The following CDC27 variants were observed in gnomAD, a reference collection of about 807,000 sequenced individuals.
CDC27 encodes cell division cycle 27, also known as cell division cycle protein 27 homolog.
Under a neutral mutation model 109.7 loss-of-function variants are expected in CDC27, and 27 were observed. That is an observed-to-expected ratio of 0.25 (90% CI 0.18 to 0.34). The LOEUF (loss-of-function observed/expected upper bound fraction) is 0.34, where lower values mean the gene tolerates loss of function less well. Among genes scored for constraint, CDC27 ranks in the 10% least tolerant of loss-of-function variants. CDC27 has a pLI of 1.00. For synonymous variants in CDC27, 266 were observed against 333.9 expected, an observed-to-expected ratio of 0.80 and a Z score of 2.22; for missense variants, 579 against 960.2, an observed-to-expected ratio of 0.60 and a Z score of 5.25.
intron 8 of CDC27, among the ~76,000 whole-genome samples, chr17:47,153,813 T>G: frequency 6.6e-6 from 1 of 152,206 alleles, no homozygotes; most frequent in Non-Finnish European, 1.5e-5. Context: ...AGCAGGGCAG[T>G]GACTCATGTT....
At chr17:47,174,567 A>C (rs2063921951) in intron 2 of CDC27, among the ~76,000 whole-genome samples, 1 of 152,166 alleles carries the variant, frequency 6.6e-6, no homozygotes, top group Non-Finnish European at 1.5e-5. Context: ...CCATTAAGTC[A>C]CTCTTAAAGT....
rs79580708 is a variant in CDC27 at position 47,189,217 on chromosome 17, T to G, written c.-45A>C. ...TTTCTGCAGTGCCTCAGGCCCCCCC[T>G]GTAGCGGCTCCGGCCCGGCCAGCCC... On this transcript the variant is annotated 5_prime_UTR_variant, in exon 1 of 19. Transcript: ENST00000066544. The G allele has an allele frequency of 8.4e-6, 13 of 1,545,160 alleles. No individual in the cohort carries two copies. Among genetic ancestry groups the G allele is most frequent in the South Asian group, 2.2e-5 (2 of 89,696 alleles).
intron 10 of CDC27, among the ~76,000 whole-genome samples, 193 bp from the exon 11 acceptor site, chr17:47,142,629 T>A (rs2062830424): frequency 6.6e-6 from 1 of 152,206 alleles, no homozygotes; most frequent in African/African-American, 2.4e-5. Flanking sequence ...GAACATAAAT[T>A]ACATTAACTA....
chr17:47,137,211 G>A lies in CDC27; in HGVS notation c.1854C>T (p.Asp618=). 3 of 1,611,510 alleles carry A rather than the reference G, an allele frequency of 1.9e-6. No individual in the cohort carries two copies. The highest frequency in any genetic ancestry group is 1.7e-6 in the Non-Finnish European group (2 of 1,179,184). The change falls in exon 14 of 19, where the codon GAC becomes GAT. Residue 618 remains aspartate (D), a synonymous_variant. Transcript: ENST00000066544. The part of the protein sequence containing the change: ...GHEFVLTEEL[D]KALACFRNAI... ...CATTTCGAAAACAAGCTAATGCTTT[G>A]TCCAATTCTTCAGTTAAGACAAACT...
chr17:47,156,106 C>A (rs2063295709), intron 7 of CDC27, among the ~76,000 whole-genome samples: 1 of 152,144 alleles, frequency 6.6e-6, no homozygotes, highest in African/African-American at 2.4e-5. Context: ...GTGTTTACTA[C>A]CTAATTAAGG....
chr17:47,136,757 T>C (rs2062610914), intron 14 of CDC27, among the ~76,000 whole-genome samples: 1 of 152,244 alleles, frequency 6.6e-6, no homozygotes, highest in East Asian at 1.9e-4. Flanking sequence ...TTTTTCAATT[T>C]TTTTTCCTAT....
chr17:47,151,775 A>C (rs1485142908), intron 9 of CDC27, 31 bp downstream of exon 9: 1 of 1,490,892 alleles, frequency 6.7e-7, no homozygotes, highest in Admixed American at 2.2e-5. Context: ...TTTTATGCCA[A>C]GAAAAGTTGA....
intron 1 of CDC27, chr17:47,188,857 AGGC>A (rs1235568507): frequency 3.8e-6 from 5 of 1,312,870 alleles, no homozygotes; most frequent in Admixed American, 6.3e-5. Context: ...CAGTCAAGCC[AGGC>A]CCCTGGACTG....
chr17:47,172,940 GGTCC>G (rs2063857225), intron 2 of CDC27, among the ~76,000 whole-genome samples: 3 of 152,140 alleles, frequency 2.0e-5, no homozygotes, highest in African/African-American at 7.2e-5. Context: ...CTCAAAGTGT[GGTCC>G]TTGTACCAGT....
chr17:47,189,041 G>C, intron 1 of CDC27, 105 bp downstream of exon 1: 1 of 1,519,542 alleles, frequency 6.6e-7, no homozygotes, highest in Non-Finnish European at 9.0e-7. Flanking sequence ...GGGGAGGCGG[G>C]AGAAGCAGCC....
intron 12 of CDC27, chr17:47,139,621 T>C (rs918180576): frequency 6.6e-6 from 1 of 152,222 alleles, no homozygotes; most frequent in African/African-American, 2.4e-5. Context: ...ACATAAAATC[T>C]ATTTTTGAAC....
chr17:47,159,609 T>C (rs1940396358), intron 4 of CDC27: 1 of 463,800 alleles, frequency 2.2e-6, no homozygotes, highest in Non-Finnish European at 3.9e-6. Flanking sequence ...GCCAGGATGT[T>C]GATGGCCCTG....
intron 1 of CDC27, among the ~76,000 whole-genome samples, chr17:47,188,539 C>T (rs1229437214): frequency 6.6e-6 from 1 of 152,076 alleles, no homozygotes; most frequent in Non-Finnish European, 1.5e-5. Context: ...ACCTCCTCCC[C>T]TGGTATTGGT....
Position 47,167,538 on chromosome 17 carries a change from CTAAT to C in CDC27, c.377+2375_377+2378del, listed in dbSNP as rs991654827. Among the ~76,000 whole-genome samples the C allele has an allele frequency of 5.3e-5, 8 of 152,286 alleles. No homozygotes were observed. The South Asian group carries it at 6.2e-4, about 12-fold the overall frequency. The stretch of plus-strand genomic sequence containing the variant: ...AACCCCTCTTCTTAACCAGGCAGGA[CTAAT>C]TATTCTCTCATTTGAACAATATAAT... On this transcript the variant is annotated intron_variant, in intron 4 of 18. Transcript: ENST00000066544.
intron 4 of CDC27, among the ~76,000 whole-genome samples, chr17:47,168,474 T>C (rs1389942448): frequency 1.3e-5 from 2 of 152,208 alleles, no homozygotes; most frequent in Non-Finnish European, 2.9e-5. Context: ...TCCTACTCTA[T>C]TATAAACCTT....
At chr17:47,178,898 G>T (rs2064119890) in intron 2 of CDC27, among the ~76,000 whole-genome samples, 1 of 152,120 alleles carries the variant, frequency 6.6e-6, no homozygotes, top group South Asian at 2.1e-4. Flanking sequence ...CGCCTCCCGG[G>T]TTCAAGCAAT....
chr17:47,130,361 A>G (rs1204961414), intron 15 of CDC27, among the ~76,000 whole-genome samples: 1 of 152,138 alleles, frequency 6.6e-6, no homozygotes, highest in East Asian at 1.9e-4. Context: ...CTCCGTCTCA[A>G]AAAATAAAAA....
At chr17:47,138,513 G>A (rs1442801811) in intron 13 of CDC27, among the ~76,000 whole-genome samples, 4 of 152,130 alleles carry the variant, frequency 2.6e-5, no homozygotes, top group African/African-American at 7.2e-5. Context: ...GTCAAATCTC[G>A]ATAAATCCTG....
chr17:47,168,983 CTTTTTTTTTTTCTTTT>C (rs2063730413), intron 4 of CDC27, among the ~76,000 whole-genome samples: 1 of 139,320 alleles, frequency 7.2e-6, no homozygotes, highest in Non-Finnish European at 1.6e-5. Context: ...TGTTCTTTTT[CTTTTTTTTTTTCTTTT>C]TTTTTTTTTG....
Sources: gnomAD v4.1 joint callset for allele counts (sites outside exome capture counted in the v4.1 genomes callset) on GRCh38, gnomAD v4.1.1 for gene constraint, MANE v1.5 for transcripts, NCBI Gene and HGNC (gene_info 2026-07-23, HGNC 2026-07-21) for gene names.